NCKAP5: variants seen among roughly 807,000 people sequenced by gnomAD.
NCKAP5 encodes nck-associated protein 5.
A neutral mutation model predicts 167.0 loss-of-function variants in NCKAP5; 92 were observed. The observed-to-expected ratio is 0.55, with a 90% CI of 0.47 to 0.66. The LOEUF (loss-of-function observed/expected upper bound fraction) is 0.66, where lower values mean the gene tolerates loss of function less well. Ranked by LOEUF, NCKAP5 falls within the 30% of genes least tolerant of loss-of-function variation. The probability of loss-of-function intolerance (pLI) is 0.00; values close to 1 mark genes in which losing one functional copy is unlikely to be tolerated. For synonymous variants in NCKAP5, 891 were observed against 877.4 expected, an observed-to-expected ratio of 1.02 and a Z score of -0.27; for missense variants, 2,378 against 2,315.0, an observed-to-expected ratio of 1.03 and a Z score of -0.56.
intron 3 of NCKAP5, among the ~76,000 whole-genome samples, chr2:133,376,237 T>G (rs1163662582): frequency 6.6e-6 from 1 of 152,198 alleles, no homozygotes; most frequent in Non-Finnish European, 1.5e-5. Flanking sequence ...TTAATACACT[T>G]ATGAAGACCA....
intron 4 of NCKAP5, among the ~76,000 whole-genome samples, chr2:133,274,373 G>C (rs1309461644): frequency 2.0e-5 from 3 of 151,892 alleles, no homozygotes; most frequent in Non-Finnish European, 4.4e-5. Context: ...TTTGTTGAAG[G>C]GCTTAAAAGA....
intron 4 of NCKAP5, among the ~76,000 whole-genome samples, chr2:133,287,965 C>T (rs138580747): frequency 6.6e-6 from 1 of 152,250 alleles, no homozygotes; most frequent in African/African-American, 2.4e-5. Context: ...TCCTTTCTCC[C>T]ATTCCAAACA....
chr2:132,782,577 G>C lies in NCKAP5; in HGVS notation c.4234C>G (p.Arg1412Gly). Residue 1412 changes from arginine (R) to glycine (G), a missense_variant, in exon 14 of 20, where the codon CGC (arginine) becomes GGC (glycine). Coordinates refer to ENST00000409261, the MANE Select transcript of NCKAP5 (RefSeq NM_207363.3). ...TCTGTTGGGGTGGGTGGGCAACTGCGGCGGTCACTGCCTGGTTCCCCAAGT... is the reference window on the plus strand; with the variant it reads ...TCTGTTGGGGTGGGTGGGCAACTGCCGCGGTCACTGCCTGGTTCCCCAAGT... Reference protein sequence around the residue: ...AVLGEPGSDRRSCPPTPTDCP... With the variant: ...AVLGEPGSDRGSCPPTPTDCP... The C allele has an allele frequency of 6.3e-7, 1 of 1,583,350 alleles. No homozygotes were observed. Among genetic ancestry groups the C allele is most frequent in the Non-Finnish European group, 8.6e-7 (1 of 1,164,314 alleles).
the NCKAP5 span, among the ~76,000 whole-genome samples, chr2:133,601,786 T>C: frequency 2.0e-5 from 3 of 152,072 alleles, no homozygotes; most frequent in Admixed American, 2.0e-4. Flanking sequence ...TTTTTAAAGA[T>C]TTTTTTCAGG....
chr2:133,011,604 A>G (rs970019927), intron 6 of NCKAP5, among the ~76,000 whole-genome samples: 12 of 152,240 alleles, frequency 7.9e-5, no homozygotes, highest in Admixed American at 7.2e-4. Flanking sequence ...TCAATTGTCA[A>G]TCTTCTTATG....
chr2:133,017,325 T>C (rs1478960970), intron 6 of NCKAP5, among the ~76,000 whole-genome samples: 2 of 152,258 alleles, frequency 1.3e-5, no homozygotes, highest in Admixed American at 6.5e-5. Flanking sequence ...CCCTTGGGTA[T>C]GCAGATTTCA....
At chr2:132,816,446 G>A (rs1194758290) in intron 11 of NCKAP5, among the ~76,000 whole-genome samples, 1 of 152,120 alleles carries the variant, frequency 6.6e-6, no homozygotes, top group Non-Finnish European at 1.5e-5. Flanking sequence ...GGAAGCCCCT[G>A]CTTGTTTCAA....
intron 6 of NCKAP5, among the ~76,000 whole-genome samples, chr2:133,115,456 A>C (rs2082040930): frequency 6.6e-6 from 1 of 152,266 alleles, no homozygotes; most frequent in East Asian, 1.9e-4. Flanking sequence ...TTTGCCATCA[A>C]TCACAATTGC....
chr2:133,309,035 T>A (rs1379131379), intron 3 of NCKAP5, among the ~76,000 whole-genome samples: 1 of 152,030 alleles, frequency 6.6e-6, no homozygotes, highest in African/African-American at 2.4e-5. Flanking sequence ...TTAAACTTTG[T>A]AAAGAATATA....
In NCKAP5 at chr2:132,782,005, T is replaced by C. The variant is rs953629314; in HGVS notation, c.4806A>G (p.Pro1602=). ...QDIYNQLKIE[P]RNRHSPVACS... ...ATGCAACAGGGCTGTGTCTATTCCT[T>C]GGTTCAATCTTCAGTTGGTTGTAAA... Residue 1602 remains proline (P), a synonymous_variant, in exon 14 of 20, where the codon CCA becomes CCG. Transcript: ENST00000409261. 6.2e-7 allele frequency: 1 copy of C among 1,614,040 alleles called. No homozygotes were observed. The highest frequency in any genetic ancestry group is 8.5e-7 in the Non-Finnish European group (1 of 1,179,890).
At chr2:133,234,403 T>C (rs1420056456) in intron 4 of NCKAP5, among the ~76,000 whole-genome samples, 2 of 152,190 alleles carry the variant, frequency 1.3e-5, no homozygotes, top group Admixed American at 6.5e-5. Flanking sequence ...AATGTACTAG[T>C]GTGCTATTCT....
At chr2:133,372,786 C>A (rs1380033258) in intron 3 of NCKAP5, among the ~76,000 whole-genome samples, 1 of 152,162 alleles carries the variant, frequency 6.6e-6, no homozygotes, top group Non-Finnish European at 1.5e-5. Flanking sequence ...TATCTGTCAA[C>A]CTTCCCATTT....
At chr2:133,511,312 C>T (rs1230381213) in intron 3 of NCKAP5, among the ~76,000 whole-genome samples, 3 of 152,200 alleles carry the variant, frequency 2.0e-5, no homozygotes. Flanking sequence ...TGGTGCCCTC[C>T]TGGCCCAGCC....
intron 4 of NCKAP5, chr2:133,265,070 A>G (rs556758259): frequency 6.6e-6 from 1 of 152,354 alleles, no homozygotes; most frequent in South Asian, 2.1e-4. Context: ...AGGGATACTG[A>G]TATGAAATGA....
chr2:133,227,444 C>T (rs2086945861), intron 4 of NCKAP5, among the ~76,000 whole-genome samples: 1 of 152,182 alleles, frequency 6.6e-6, no homozygotes, highest in African/African-American at 2.4e-5. Context: ...TATATACTCT[C>T]TGGCTGCCCC....
At chr2:133,240,446 T>A (rs1316816018) in intron 4 of NCKAP5, among the ~76,000 whole-genome samples, 1 of 152,188 alleles carries the variant, frequency 6.6e-6, no homozygotes, top group Admixed American at 6.5e-5. Flanking sequence ...CACCCTTGCA[T>A]GCCCATCTCT....
At chr2:133,576,279 C>T in the NCKAP5 span, among the ~76,000 whole-genome samples, 3 of 152,298 alleles carry the variant, frequency 2.0e-5, no homozygotes, top group African/African-American at 7.2e-5. Context: ...GTCATATCTG[C>T]CTCCTCTCCT....
intron 4 of NCKAP5, among the ~76,000 whole-genome samples, chr2:133,264,051 C>T: frequency 6.6e-6 from 1 of 152,230 alleles, no homozygotes. Flanking sequence ...CCTGGAAAGC[C>T]TCCACCTCCA....
chr2:132,725,888 A>G lies in NCKAP5; in HGVS notation c.5581-129T>C, dbSNP rs2105431677. On this transcript the variant is annotated intron_variant, in intron 18 of 19. Coordinates refer to ENST00000409261, the MANE Select transcript of NCKAP5 (RefSeq NM_207363.3). Reference sequence around the variant, plus strand: ...GCACAGAATTCCATTCCCACTGCCCAGCCCGCCGCTCACCCGAGAGCAACT... The same window carrying G: ...GCACAGAATTCCATTCCCACTGCCCGGCCCGCCGCTCACCCGAGAGCAACT... 3.1e-6 allele frequency: 3 copies of G among 978,828 alleles called. No homozygotes were observed. The South Asian group carries it at 4.9e-5, about 16-fold the overall frequency. 60.6% of individuals were successfully genotyped at this position (978,828 alleles called of 1,614,324 possible).
Sources: gnomAD v4.1 joint callset for allele counts (sites outside exome capture counted in the v4.1 genomes callset) on GRCh38, gnomAD v4.1.1 for gene constraint, MANE v1.5 for transcripts, NCBI Gene and HGNC (gene_info 2026-07-23, HGNC 2026-07-21) for gene names.